Variants in SLC35F2 observed in about 807,000 individuals in gnomAD.
The protein encoded by SLC35F2 is solute carrier family 35 member F2.
A neutral mutation model predicts 38.1 loss-of-function variants in SLC35F2; 25 were observed. The observed-to-expected ratio is 0.66, with a 90% CI of 0.48 to 0.92. The LOEUF (loss-of-function observed/expected upper bound fraction) is 0.92. SLC35F2 is among the 40% of genes least tolerant of loss of function. SLC35F2 has a pLI of 0.00. For missense variants in SLC35F2, 409 were observed against 452.9 expected, an observed-to-expected ratio of 0.90 and a Z score of 0.88; for synonymous variants, 173 against 181.7, an observed-to-expected ratio of 0.95 and a Z score of 0.38.
intron 3 of SLC35F2, among the ~76,000 whole-genome samples, chr11:107,807,579 TA>T (rs761096050): frequency 0.015 from 1,474 of 100,276 alleles, 12 homozygotes; most frequent in Middle Eastern, 0.071. Flanking sequence ...TTATTATTAT[TA>T]TTTTTTTTTT....
chr11:107,819,740 G>A (rs1859640447), intron 1 of SLC35F2, among the ~76,000 whole-genome samples: 1 of 152,170 alleles, frequency 6.6e-6, no homozygotes, highest in African/African-American at 2.4e-5. Context: ...GAGGTACCTG[G>A]CTGAGGAAAT....
Position 107,849,288 on chromosome 11 carries a change from G to A in SLC35F2, c.110+9370C>T, listed in dbSNP as rs193192815. Among the ~76,000 whole-genome samples the A allele has an allele frequency of 2.2e-3, 342 of 152,240 alleles. 3 individuals carry two copies. Among genetic ancestry groups the A allele is most frequent in the African/African-American group, 7.6e-3 (317 of 41,556 alleles). ...TCGGGGATAGATGGAGGCATGGATG[G>A]AAGCTATTACAACAGTCTAAGTGAG... On this transcript the variant is annotated intron_variant, in intron 1 of 7. Transcript: ENST00000525815.
chr11:107,818,083 A>AGAAAGAAG (rs1454564531), intron 1 of SLC35F2, among the ~76,000 whole-genome samples: 7 of 107,534 alleles, frequency 6.5e-5, no homozygotes, highest in Admixed American at 4.5e-4. Context: ...AAAGAAAGAA[A>AGAAAGAAG]GAAAGAAAGA....
At chr11:107,805,023 C>T (rs1185580192) in intron 5 of SLC35F2, 4 of 982,466 alleles carry the variant, frequency 4.1e-6, no homozygotes, top group African/African-American at 1.7e-5. Flanking sequence ...TGATATTATG[C>T]TTTGTTTTTG....
chr11:107,822,628 G>A (rs1209366554), intron 1 of SLC35F2, among the ~76,000 whole-genome samples: 1 of 152,120 alleles, frequency 6.6e-6, no homozygotes, highest in Non-Finnish European at 1.5e-5. Flanking sequence ...AGCTCCAGGA[G>A]GAAAGGGACA....
intron 1 of SLC35F2, among the ~76,000 whole-genome samples, chr11:107,848,493 T>A (rs996631530): frequency 6.6e-6 from 1 of 152,092 alleles, no homozygotes; most frequent in Admixed American, 6.6e-5. Context: ...GTCATGAAGG[T>A]GGAGTCTACA....
At chr11:107,807,290 C>CA (rs1192391765) in intron 3 of SLC35F2, among the ~76,000 whole-genome samples, 5 of 60,392 alleles carry the variant, frequency 8.3e-5, no homozygotes, top group African/African-American at 3.4e-4. Flanking sequence ...AAAAAAACAA[C>CA]AACAAAAAAA....
chr11:107,807,028 A>T, intron 3 of SLC35F2, 152 bp from the exon 4 acceptor site: 1 of 641,892 alleles, frequency 1.6e-6, no homozygotes, highest in Non-Finnish European at 2.6e-6. Context: ...CTTTACCTGG[A>T]TTCACTCATT....
intron 1 of SLC35F2, among the ~76,000 whole-genome samples, chr11:107,828,824 C>T (rs565650944): frequency 2.0e-5 from 3 of 152,084 alleles, no homozygotes; most frequent in East Asian, 1.9e-4. Flanking sequence ...AACTTAATCC[C>T]GGCCGGGCGC....
chr11:107,858,517 G>A, intron 1 of SLC35F2, 141 bp downstream of exon 1: 1 of 685,326 alleles, frequency 1.5e-6, no homozygotes, highest in African/African-American at 1.9e-5. Context: ...TGCGTGTTGA[G>A]CCCCGAACCG....
rs1555082686 is a variant in SLC35F2, at chr11:107,804,783, C to G, written c.732-13G>C. 1 of 1,599,160 alleles carries G rather than the reference C, an allele frequency of 6.3e-7. No individual in the cohort carries two copies. Among genetic ancestry groups the G allele is most frequent in the Admixed American group, 1.7e-5 (1 of 57,356 alleles). On this transcript the variant is annotated splice_polypyrimidine_tract_variant and intron_variant, in intron 5 of 7. Coordinates refer to ENST00000525815, the MANE Select transcript of SLC35F2 (RefSeq NM_017515.5). ...TTCCACAATCAATCTAAGATTAAAA[C>G]AAGAGGTCACAGAGAGGTCCACATA...
chr11:107,816,534 A>T (rs1170203782), intron 1 of SLC35F2, among the ~76,000 whole-genome samples: 1 of 135,188 alleles, frequency 7.4e-6, no homozygotes, highest in Non-Finnish European at 1.5e-5. Flanking sequence ...GGACCCTCCC[A>T]CCTCAGCCTC....
chr11:107,853,106 A>G (rs771097883), intron 1 of SLC35F2, among the ~76,000 whole-genome samples: 9 of 152,024 alleles, frequency 5.9e-5, no homozygotes, highest in Admixed American at 2.0e-4. Context: ...AAGTTCCTTA[A>G]GCAAAACACT....
intron 2 of SLC35F2, 133 bp from the exon 3 acceptor site, chr11:107,811,927 G>T (rs1859488138): frequency 1.2e-6 from 1 of 820,730 alleles, no homozygotes; most frequent in Non-Finnish European, 1.9e-6. Context: ...TTTGAGATAG[G>T]GTCTCATTCT....
intron 3 of SLC35F2, among the ~76,000 whole-genome samples, chr11:107,807,580 A>T (rs75499758): frequency 0.076 from 11,227 of 147,214 alleles, 563 homozygotes; most frequent in African/African-American, 0.15. Context: ...TATTATTATT[A>T]TTTTTTTTTT....
chr11:107,832,687 T>G (rs1420232999), intron 1 of SLC35F2, among the ~76,000 whole-genome samples: 1 of 152,002 alleles, frequency 6.6e-6, no homozygotes, highest in African/African-American at 2.4e-5. Flanking sequence ...GCACCTATAG[T>G]CCCAGCTATT....
chr11:107,836,659 C>T (rs1859936040), intron 1 of SLC35F2, among the ~76,000 whole-genome samples: 1 of 152,146 alleles, frequency 6.6e-6, no homozygotes, highest in Admixed American at 6.6e-5. Flanking sequence ...TGGAAAAGGC[C>T]AGGAATTGAT....
intron 3 of SLC35F2, chr11:107,809,848 C>T: frequency 7.1e-6 from 7 of 985,188 alleles, no homozygotes; most frequent in Non-Finnish European, 7.2e-6. Context: ...ATGAGGGGAG[C>T]AGGCTTCAAA....
intron 1 of SLC35F2, among the ~76,000 whole-genome samples, chr11:107,831,958 A>C (rs1333772771): frequency 6.6e-6 from 1 of 152,244 alleles, no homozygotes; most frequent in Non-Finnish European, 1.5e-5. Flanking sequence ...CAATAAAGCA[A>C]GCTTTTCCAA....
Sources: allele counts gnomAD v4.1 joint callset (sites outside exome capture counted in the v4.1 genomes callset), GRCh38; gene constraint gnomAD v4.1.1; transcripts MANE v1.5; gene names NCBI Gene and HGNC (gene_info 2026-07-23, HGNC 2026-07-21).